The following AHCTF1 variants were observed in gnomAD, a reference collection of about 807,000 sequenced individuals.
AHCTF1 encodes protein ELYS.
In AHCTF1, 24 loss-of-function variants were observed where a neutral mutation model predicts 248.4. The ratio of observed to expected loss-of-function variants is 0.10; its 90% CI spans 0.07 to 0.14. The LOEUF (loss-of-function observed/expected upper bound fraction) is 0.14, where lower values mean the gene tolerates loss of function less well. Ranked by LOEUF, AHCTF1 falls within the 10% of genes least tolerant of loss-of-function variation. AHCTF1 has a pLI of 1.00. For synonymous variants in AHCTF1, 786 were observed against 929.8 expected (o/e 0.85, Z 2.81); for missense variants, 2,206 against 2,636.2 (o/e 0.84, Z 3.57).
intron 12 of AHCTF1, among the ~76,000 whole-genome samples, chr1:246,896,159 C>T (rs1368861494): frequency 6.6e-6 from 1 of 152,152 alleles, no homozygotes; most frequent in Admixed American, 6.5e-5. Flanking sequence ...AGCAGTTTGG[C>T]GGTTTCTCAG....
At chr1:246,909,112 T>C (rs1665610942) in intron 4 of AHCTF1, among the ~76,000 whole-genome samples, 1 of 149,982 alleles carries the variant, frequency 6.7e-6, no homozygotes, top group African/African-American at 2.5e-5. Context: ...TCTATCTATT[T>C]ATATATATAT....
intron 32 of AHCTF1, among the ~76,000 whole-genome samples, chr1:246,851,669 A>T (rs1486859145): frequency 2.6e-5 from 4 of 152,326 alleles, no homozygotes; most frequent in African/African-American, 7.2e-5. Context: ...AAATTTAACT[A>T]GAAATTCTAC....
At chr1:246,857,010 T>A (rs576260540) in intron 30 of AHCTF1, among the ~76,000 whole-genome samples, 1 of 152,358 alleles carries the variant, frequency 6.6e-6, no homozygotes, top group African/African-American at 2.4e-5. Context: ...AGTGCGGACA[T>A]GCAATCTGTG....
At chr1:246,854,631 C>G (rs913799707) in intron 31 of AHCTF1, among the ~76,000 whole-genome samples, 5 of 152,144 alleles carry the variant, frequency 3.3e-5, no homozygotes, top group Admixed American at 3.3e-4. Context: ...CTAACATTTA[C>G]TAAACTTCAG....
intron 28 of AHCTF1, 64 bp from the exon 29 acceptor site, chr1:246,861,359 C>G (rs532236432): frequency 1.5e-6 from 2 of 1,372,034 alleles, no homozygotes; most frequent in Non-Finnish European, 2.0e-6. Context: ...TAGTCCTAAG[C>G]TACCCATCCC....
chr1:246,882,588 C>G (rs1396772771), intron 21 of AHCTF1, among the ~76,000 whole-genome samples: 1 of 152,170 alleles, frequency 6.6e-6, no homozygotes, highest in Non-Finnish European at 1.5e-5. Flanking sequence ...AAAATGAAAT[C>G]ATTATCCAAC....
intron 32 of AHCTF1, among the ~76,000 whole-genome samples, chr1:246,851,738 T>C (rs1660732216): frequency 1.3e-5 from 2 of 152,216 alleles, no homozygotes; most frequent in Non-Finnish European, 2.9e-5. Flanking sequence ...CTAACAGTTC[T>C]GAAAACATTT....
intron 27 of AHCTF1, among the ~76,000 whole-genome samples, chr1:246,863,658 C>A (rs1292179870): frequency 1.3e-5 from 2 of 152,122 alleles, no homozygotes; most frequent in Non-Finnish European, 2.9e-5. Flanking sequence ...AACTCAAGAA[C>A]CTGAAAGTAT....
rs2103153483 is a variant in AHCTF1, at chr1:246,895,687, A to T, written c.1714+148T>A. Reference sequence around the variant, plus strand: ...ATCATACTGTGGGCAAACGTGCTAAAGGGGGTGGGATCTCTCTATTGCATC... The same window carrying T: ...ATCATACTGTGGGCAAACGTGCTAATGGGGGTGGGATCTCTCTATTGCATC... On this transcript the variant is annotated intron_variant, in intron 13 of 35. Transcript: ENST00000648844. 4 of 620,768 alleles carry T rather than the reference A, an allele frequency of 6.4e-6. No individual in the cohort carries two copies. The East Asian group carries it at 1.2e-4, about 18-fold the overall frequency. 38.5% of individuals were successfully genotyped at this position (620,768 alleles called of 1,614,324 possible).
At chr1:246,879,798 A>G (rs956010779) in intron 21 of AHCTF1, among the ~76,000 whole-genome samples, 3 of 152,064 alleles carry the variant, frequency 2.0e-5, no homozygotes, top group African/African-American at 7.2e-5. Context: ...CACTAACTCC[A>G]GCCTGGGTGA....
rs865788969 is a variant in AHCTF1, at chr1:246,867,900, C to A, written c.3089-89G>T. 5.1e-5 allele frequency: 27 copies of A among 532,486 alleles called. 4 individuals are homozygous for A. The highest frequency in any genetic ancestry group is 1.4e-4 in the African/African-American group (3 of 21,552). 33.0% of individuals were successfully genotyped at this position (532,486 alleles called of 1,614,324 possible). ...ATGAAAGAATGATTACACCCCCCCCCCCACACACACACACACACACATTAC... is the reference window on the plus strand; with the variant it reads ...ATGAAAGAATGATTACACCCCCCCCACCACACACACACACACACACATTAC... On this transcript the variant is annotated intron_variant, in intron 24 of 35. Coordinates refer to ENST00000648844, the MANE Select transcript of AHCTF1 (RefSeq NM_001323342.2).
intron 24 of AHCTF1, among the ~76,000 whole-genome samples, chr1:246,873,106 A>G (rs770093915): frequency 2.0e-5 from 3 of 152,188 alleles, no homozygotes; most frequent in Non-Finnish European, 4.4e-5. Context: ...ACTTATTCCT[A>G]TAAGCCAGTC....
At chr1:246,878,397 A>C (rs979277535) in intron 21 of AHCTF1, among the ~76,000 whole-genome samples, 7 of 45,752 alleles carry the variant, frequency 1.5e-4, no homozygotes, top group African/African-American at 5.4e-4. Context: ...ATTCTGTCTC[A>C]AAAAAAAAAA....
chr1:246,899,106 T>C (rs1201414636), intron 11 of AHCTF1, among the ~76,000 whole-genome samples: 1 of 152,086 alleles, frequency 6.6e-6, no homozygotes, highest in Non-Finnish European at 1.5e-5. Flanking sequence ...AGAAAAGTAT[T>C]TTTCAAAATT....
intron 24 of AHCTF1, among the ~76,000 whole-genome samples, chr1:246,873,307 G>T (rs771071299): frequency 6.6e-6 from 1 of 152,166 alleles, no homozygotes; most frequent in African/African-American, 2.4e-5. Context: ...TCCCTGTGCT[G>T]TTTAGTCCCT....
intron 5 of AHCTF1, among the ~76,000 whole-genome samples, chr1:246,906,226 G>A (rs1665378775): frequency 6.6e-6 from 1 of 152,274 alleles, no homozygotes; most frequent in Non-Finnish European, 1.5e-5. Context: ...GTTAGAGAAA[G>A]CACTGCTGTA....
intron 24 of AHCTF1, among the ~76,000 whole-genome samples, chr1:246,869,399 C>G (rs962441637): frequency 6.6e-6 from 1 of 152,154 alleles, no homozygotes; most frequent in African/African-American, 2.4e-5. Context: ...AAAGCTAGAC[C>G]TCTTATGCCA....
At chr1:246,880,243 A>T (rs1172730673) in intron 21 of AHCTF1, among the ~76,000 whole-genome samples, 1 of 151,080 alleles carries the variant, frequency 6.6e-6, no homozygotes, top group Non-Finnish European at 1.5e-5. Flanking sequence ...TATATAAAAT[A>T]TATAATAGGC....
intron 24 of AHCTF1, among the ~76,000 whole-genome samples, chr1:246,871,106 G>A (rs1662563524): frequency 1.3e-5 from 2 of 152,242 alleles, no homozygotes; most frequent in South Asian, 4.1e-4. Context: ...CAAATGCTAG[G>A]ACCACTAAAA....
Sources: gnomAD v4.1 joint callset for allele counts (sites outside exome capture counted in the v4.1 genomes callset) on GRCh38, gnomAD v4.1.1 for gene constraint, MANE v1.5 for transcripts, NCBI Gene and HGNC (gene_info 2026-07-23, HGNC 2026-07-21) for gene names.